C10orf71: variants seen among roughly 807,000 people sequenced by gnomAD.
C10orf71 encodes the protein cardiac-enriched FHL2-interacting protein.
For missense variants in C10orf71, 1,869 were observed against 1,804.5 expected, an observed-to-expected ratio of 1.04 and a Z score of -0.65; for synonymous variants, 758 against 726.3, an observed-to-expected ratio of 1.04 and a Z score of -0.70.
In C10orf71 at chr10:49,303,021, C is replaced by T. The variant is rs532373957; in HGVS notation, c.-248+3788C>T. Among the ~76,000 whole-genome samples the T allele has an allele frequency of 1.3e-5, 2 of 152,204 alleles. 1 individual carries two copies. The highest frequency in any genetic ancestry group is 4.1e-4 in the South Asian group (2 of 4,828). Reference sequence around the variant, plus strand: ...GCAAATGTATGAAAAGTTCCCAGCACGTGGTAGAAATACAAGAACTGCTCT... The same window carrying T: ...GCAAATGTATGAAAAGTTCCCAGCATGTGGTAGAAATACAAGAACTGCTCT... On this transcript the variant is annotated intron_variant, in intron 1 of 2. Coordinates refer to ENST00000374144, the MANE Select transcript of C10orf71 (RefSeq NM_001135196.2).
chr10:49,322,870 G>C lies in C10orf71; in HGVS notation c.325G>C (p.Glu109Gln), dbSNP rs775786711. Residue 109 changes from glutamate to glutamine, a missense_variant, in exon 3 of 3, where the codon GAG becomes CAG. Transcript: ENST00000374144. ...FQQLPKYVQG[E>Q]EKYPKTSPPP... ...ACAGCTACCCAAGTACGTTCAGGGA[G>C]AGGAAAAGTACCCCAAAACCAGCCC... 2 of 1,613,980 alleles carry C rather than the reference G, an allele frequency of 1.2e-6. No homozygotes were observed. Among genetic ancestry groups the C allele is most frequent in the South Asian group, 1.1e-5 (1 of 91,082 alleles).
At chr10:49,300,365 T>G (rs1848705469) in intron 1 of C10orf71, among the ~76,000 whole-genome samples, 1 of 149,770 alleles carries the variant, frequency 6.7e-6, no homozygotes, top group Non-Finnish European at 1.5e-5. Context: ...CCATATGGCC[T>G]GCAAAACTGA....
At chr10:49,303,544 C>T (rs1179272955) in intron 1 of C10orf71, among the ~76,000 whole-genome samples, 3 of 152,180 alleles carry the variant, frequency 2.0e-5, no homozygotes, top group East Asian at 1.9e-4. Flanking sequence ...CGGGATCAAG[C>T]ACTGTTAAGC....
chr10:49,325,818 G>T lies in C10orf71; in HGVS notation c.3273G>T (p.Glu1091Asp), dbSNP rs1273485762. 6.4e-7 allele frequency: 1 copy of T among 1,551,480 alleles called. No individual in the cohort carries two copies. The highest frequency in any genetic ancestry group is 2.0e-5 in the Admixed American group (1 of 50,994). Residue 1091 changes from glutamate to aspartate, a missense_variant, in exon 3 of 3, where the codon GAG becomes GAT. Coordinates refer to ENST00000374144, the MANE Select transcript of C10orf71 (RefSeq NM_001135196.2). ...QAPGGPELLP[E>D]EPNQASPWAS... ...CTGGAGGACCAGAGCTGCTTCCCGA[G>T]GAGCCTAATCAAGCCAGCCCCTGGG...
At chr10:49,321,438 A>G (rs1279373133) in intron 2 of C10orf71, among the ~76,000 whole-genome samples, 2 of 152,226 alleles carry the variant, frequency 1.3e-5, no homozygotes, top group African/African-American at 4.8e-5. Flanking sequence ...TGCATATACC[A>G]CATTTTCTTT....
intron 1 of C10orf71, among the ~76,000 whole-genome samples, chr10:49,303,095 C>T (rs548171568): frequency 6.6e-6 from 1 of 152,156 alleles, no homozygotes; most frequent in Non-Finnish European, 1.5e-5. Context: ...CACTTAAACT[C>T]CAGCTTGGGC....
chr10:49,312,437 G>A (rs1333033179), intron 1 of C10orf71, among the ~76,000 whole-genome samples: 1 of 152,186 alleles, frequency 6.6e-6, no homozygotes, highest in Non-Finnish European at 1.5e-5. Context: ...GGAGGCAGAG[G>A]GCAAAGCCAG....
At position 49,326,176 on chromosome 10, in the gene C10orf71, C is replaced by T; in HGVS notation, c.3631C>T (p.Pro1211Ser). 1 of 1,551,560 alleles carries T rather than the reference C, an allele frequency of 6.4e-7. No individual in the cohort carries two copies. Among genetic ancestry groups the T allele is most frequent in the Non-Finnish European group, 8.7e-7 (1 of 1,146,980 alleles). Residue 1211 changes from proline (P) to serine (S), a missense_variant, in exon 3 of 3, where the codon CCG becomes TCG. Coordinates refer to ENST00000374144, the MANE Select transcript of C10orf71 (RefSeq NM_001135196.2). The stretch of plus-strand genomic sequence containing the variant: ...CGAGTCACAGGAGGGAAAGCCCTGC[C>T]CGGAGGACTTGGAGCAGACACAGCA... Reference protein sequence around the residue: ...HGESQEGKPCPEDLEQTQQRP... With the variant: ...HGESQEGKPCSEDLEQTQQRP...
At chr10:49,312,640 G>T (rs1428768343) in intron 1 of C10orf71, among the ~76,000 whole-genome samples, 1 of 152,190 alleles carries the variant, frequency 6.6e-6, no homozygotes, top group Admixed American at 6.5e-5. Flanking sequence ...AAATGGTGAA[G>T]TCACGATGAA....
intron 2 of C10orf71, among the ~76,000 whole-genome samples, chr10:49,321,709 A>G (rs898869290): frequency 5.9e-5 from 9 of 152,104 alleles, no homozygotes; most frequent in African/African-American, 2.2e-4. Context: ...CCTTACCAAC[A>G]CTTGTCATCT....
chr10:49,314,258 A>G (rs1421198954), intron 1 of C10orf71, among the ~76,000 whole-genome samples: 1 of 152,198 alleles, frequency 6.6e-6, no homozygotes, highest in Non-Finnish European at 1.5e-5. Flanking sequence ...CAGTCTTTGA[A>G]GGCCACAGAC....
intron 1 of C10orf71, among the ~76,000 whole-genome samples, chr10:49,307,203 C>T (rs1431208948): frequency 6.6e-6 from 1 of 152,126 alleles, no homozygotes; most frequent in African/African-American, 2.4e-5. Context: ...AAGGAGACGC[C>T]AAGGGCACCT....
chr10:49,308,165 T>C (rs1848849010), intron 1 of C10orf71, among the ~76,000 whole-genome samples: 1 of 152,176 alleles, frequency 6.6e-6, no homozygotes, highest in Non-Finnish European at 1.5e-5. Flanking sequence ...GTTCTGTGGG[T>C]TTGACAAGCC....
At chr10:49,304,468 G>A (rs1322012783) in intron 1 of C10orf71, among the ~76,000 whole-genome samples, 3 of 152,220 alleles carry the variant, frequency 2.0e-5, no homozygotes, top group African/African-American at 7.2e-5. Flanking sequence ...CAGGAGCGCC[G>A]TCAACAGGAT....
Position 49,323,889 on chromosome 10 carries a change from C to T in C10orf71, c.1344C>T (p.Thr448=). 6 of 1,613,526 alleles carry T rather than the reference C, an allele frequency of 3.7e-6. No individual in the cohort carries two copies. The highest frequency in any genetic ancestry group is 3.4e-6 in the Non-Finnish European group (4 of 1,179,804). ...CCTTTAACATCAGTAAGCTCCTGAC[C>T]CCCATCATACCCAGCAAGCACGCCC... is the stretch of plus-strand genomic sequence containing the variant. ...DPPFNISKLL[T]PIIPSKHALD... is the part of the protein sequence containing the mutation. Residue 448 remains threonine (T), a synonymous_variant, in exon 3 of 3, where the codon ACC becomes ACT. Coordinates refer to ENST00000374144, the MANE Select transcript of C10orf71 (RefSeq NM_001135196.2).
intron 2 of C10orf71, among the ~76,000 whole-genome samples, chr10:49,319,243 G>T (rs4536129): frequency 6.6e-6 from 1 of 152,090 alleles, no homozygotes. Flanking sequence ...GTGTGCCAGG[G>T]GAAGCCGTAA....
chr10:49,326,529 G>C lies in C10orf71; in HGVS notation c.3984G>C (p.Leu1328=). 6.4e-7 allele frequency: 1 copy of C among 1,550,408 alleles called. No individual in the cohort carries two copies. ...CAGAGCCGCCCCCACCGGACGCCCT[G>C]GCCGCTCCCTATGTGCTGTACCCCG... ...ASPEPPPPDA[L]AAPYVLYPGF... is the part of the protein sequence containing the mutation. Residue 1328 remains leucine (L), a synonymous_variant, in exon 3 of 3, where the codon CTG becomes CTC. Coordinates refer to ENST00000374144, the MANE Select transcript of C10orf71 (RefSeq NM_001135196.2).
intron 1 of C10orf71, among the ~76,000 whole-genome samples, chr10:49,303,376 A>G (rs1848760038): frequency 6.6e-6 from 1 of 152,166 alleles, no homozygotes; most frequent in African/African-American, 2.4e-5. Flanking sequence ...ACATGGCACA[A>G]ACCACAGCCA....
chr10:49,324,393 C>T lies in C10orf71; in HGVS notation c.1848C>T (p.Asn616=), dbSNP rs573747961. The part of the protein sequence containing the change: ...GEAAERSSYE[N]KEVEGELEMG... Reference sequence around the variant, plus strand: ...CTGCTGAGAGAAGCAGTTATGAGAACAAGGAGGTGGAAGGAGAGTTGGAGA... The same window carrying T: ...CTGCTGAGAGAAGCAGTTATGAGAATAAGGAGGTGGAAGGAGAGTTGGAGA... The change falls in exon 3 of 3, where the codon AAC becomes AAT. Residue 616 remains asparagine, a synonymous_variant. Transcript: ENST00000374144. 1 of 1,613,240 alleles carries T rather than the reference C, an allele frequency of 6.2e-7. No homozygotes were observed. Among genetic ancestry groups the T allele is most frequent in the African/African-American group, 1.3e-5 (1 of 75,000 alleles).
Sources: gnomAD v4.1 joint callset for allele counts (sites outside exome capture counted in the v4.1 genomes callset) on GRCh38, gnomAD v4.1.1 for gene constraint, MANE v1.5 for transcripts, NCBI Gene and HGNC (gene_info 2026-07-23, HGNC 2026-07-21) for gene names.